The following C10orf90 variants were observed in gnomAD, a reference collection of about 807,000 sequenced individuals.
The protein encoded by C10orf90 is chromosome 10 open reading frame 90.
In C10orf90, 56 loss-of-function variants were observed where a neutral mutation model predicts 62.5. The ratio of observed to expected loss-of-function variants is 0.90; its 90% CI spans 0.72 to 1.12. The LOEUF is 1.12. Among genes scored for constraint, C10orf90 ranks in the 50% most tolerant of loss-of-function variants. The pLI is 0.00. For missense variants in C10orf90, 970 were observed against 880.4 expected (o/e 1.10, Z -1.29); for synonymous variants, 386 against 340.4 (o/e 1.13, Z -1.47).
chr10:126,551,574 T>G (rs1028657328), intron 2 of C10orf90, among the ~76,000 whole-genome samples: 2 of 152,154 alleles, frequency 1.3e-5, no homozygotes, highest in African/African-American at 4.8e-5. Context: ...ATAAAAAGAA[T>G]GAAAACAACT....
At chr10:126,462,017 C>T (rs1480910274) in intron 5 of C10orf90, among the ~76,000 whole-genome samples, 1 of 152,148 alleles carries the variant, frequency 6.6e-6, no homozygotes, top group African/African-American at 2.4e-5. Context: ...AGAGCCCTCC[C>T]CTGCACTTGC....
chr10:126,432,873 A>G (rs1251145888), intron 7 of C10orf90, among the ~76,000 whole-genome samples: 1 of 152,222 alleles, frequency 6.6e-6, no homozygotes, highest in African/African-American at 2.4e-5. Context: ...TTGCAAACCT[A>G]TTTAAGGAGC....
At chr10:126,669,718 T>A (rs537409909) in intron 1 of C10orf90, among the ~76,000 whole-genome samples, 1 of 139,392 alleles carries the variant, frequency 7.2e-6, no homozygotes, top group Admixed American at 7.3e-5. Flanking sequence ...TTTTTTTTTT[T>A]ACAAAGTTGT....
At chr10:126,527,869 A>C (rs1205818406) in intron 2 of C10orf90, among the ~76,000 whole-genome samples, 1 of 152,256 alleles carries the variant, frequency 6.6e-6, no homozygotes, top group Non-Finnish European at 1.5e-5. Context: ...TCCAGGTATC[A>C]AAGTCACGGC....
At chr10:126,627,611 T>A (rs1297864978) in intron 2 of C10orf90, among the ~76,000 whole-genome samples, 1 of 152,170 alleles carries the variant, frequency 6.6e-6, no homozygotes, top group African/African-American at 2.4e-5. Flanking sequence ...GCTGTTAGAA[T>A]ACTCACTGCT....
At chr10:126,532,636 G>C (rs992572626) in intron 2 of C10orf90, among the ~76,000 whole-genome samples, 3 of 151,368 alleles carry the variant, frequency 2.0e-5, no homozygotes, top group Admixed American at 2.0e-4. Context: ...AGGAAATCGA[G>C]ACCATCCTGG....
rs111724941 is a variant in C10orf90 at position 126,566,997 on chromosome 10, C to T, written c.314-53058G>A. On this transcript the variant is annotated intron_variant, in intron 2 of 9. Coordinates refer to ENST00000488181, the MANE Select transcript of C10orf90 (RefSeq NM_001350921.2). Reference sequence around the variant, plus strand: ...ATTTAGACACACCCATACTGAGAGGCGTATTACCCACCAAAGGTGGCCCTG... The same window carrying T: ...ATTTAGACACACCCATACTGAGAGGTGTATTACCCACCAAAGGTGGCCCTG... Among the ~76,000 whole-genome samples, 241 of 152,156 alleles carry T rather than the reference C, an allele frequency of 1.6e-3. 2 individuals carry two copies. The highest frequency in any genetic ancestry group is 5.4e-3 in the African/African-American group (223 of 41,522).
intron 4 of C10orf90, among the ~76,000 whole-genome samples, chr10:126,493,391 C>T (rs113217579): frequency 0.14 from 20,613 of 148,336 alleles, 1,651 homozygotes; most frequent in Middle Eastern, 0.24. Flanking sequence ...GACAGGGTCT[C>T]GCTCTGTCGC....
At chr10:126,622,794 A>C (rs1343901441) in intron 2 of C10orf90, among the ~76,000 whole-genome samples, 1 of 152,208 alleles carries the variant, frequency 6.6e-6, no homozygotes, top group Non-Finnish European at 1.5e-5. Flanking sequence ...GACAGCATTA[A>C]CCATGCTGTA....
At chr10:126,582,241 C>A (rs138183119) in intron 2 of C10orf90, among the ~76,000 whole-genome samples, 256 of 152,310 alleles carry the variant, frequency 1.7e-3, no homozygotes, top group African/African-American at 6.0e-3. Flanking sequence ...CACACCTGTG[C>A]TGAGAGTGTG....
At chr10:126,550,219 G>T (rs1864601726) in intron 2 of C10orf90, among the ~76,000 whole-genome samples, 2 of 151,918 alleles carry the variant, frequency 1.3e-5, no homozygotes, top group South Asian at 4.2e-4. Context: ...GCCTCTGAAA[G>T]TGCTGGAATT....
chr10:126,532,239 G>A (rs538289676), intron 2 of C10orf90, among the ~76,000 whole-genome samples: 96 of 152,266 alleles, frequency 6.3e-4, no homozygotes, highest in African/African-American at 2.1e-3. Flanking sequence ...ATCTGTGGAT[G>A]GTGGGTAACT....
At chr10:126,641,828 A>T (rs528586602) in intron 2 of C10orf90, among the ~76,000 whole-genome samples, 2 of 152,284 alleles carry the variant, frequency 1.3e-5, no homozygotes, top group African/African-American at 4.8e-5. Flanking sequence ...AATCATAGTA[A>T]ACTAATCTTT....
At chr10:126,638,746 C>T (rs1056231036) in intron 2 of C10orf90, among the ~76,000 whole-genome samples, 3 of 152,230 alleles carry the variant, frequency 2.0e-5, no homozygotes, top group Non-Finnish European at 4.4e-5. Context: ...AAACCAAAGT[C>T]ACCCCGCCCT....
intron 4 of C10orf90, among the ~76,000 whole-genome samples, chr10:126,476,293 C>T (rs1004478297): frequency 3.3e-5 from 5 of 152,202 alleles, no homozygotes; most frequent in Non-Finnish European, 7.3e-5. Flanking sequence ...ATCACATCAA[C>T]CCAAATTCTC....
At chr10:126,622,330 C>A (rs1845661660) in intron 2 of C10orf90, among the ~76,000 whole-genome samples, 1 of 152,080 alleles carries the variant, frequency 6.6e-6, no homozygotes, top group Admixed American at 6.5e-5. Context: ...ACTTTCCAAT[C>A]TTCATCACCC....
intron 2 of C10orf90, among the ~76,000 whole-genome samples, chr10:126,581,664 G>A (rs185134287): frequency 1.6e-3 from 240 of 152,294 alleles, no homozygotes; most frequent in Middle Eastern, 3.4e-3. Context: ...AGTGTTAAAC[G>A]TAGACACAGC....
At chr10:126,432,251 G>A (rs1309150419) in intron 7 of C10orf90, among the ~76,000 whole-genome samples, 2 of 152,188 alleles carry the variant, frequency 1.3e-5, no homozygotes, top group African/African-American at 4.8e-5. Context: ...CACTTTGAGA[G>A]AGAAAGTGGC....
At chr10:126,650,349 A>T (rs1591175062) in intron 1 of C10orf90, among the ~76,000 whole-genome samples, 1 of 151,998 alleles carries the variant, frequency 6.6e-6, no homozygotes, top group East Asian at 1.9e-4. Context: ...TTTAAGAACC[A>T]TTTTTCACCT....
Sources: allele counts gnomAD v4.1 joint callset (sites outside exome capture counted in the v4.1 genomes callset), GRCh38; gene constraint gnomAD v4.1.1; transcripts MANE v1.5; gene names NCBI Gene and HGNC (gene_info 2026-07-23, HGNC 2026-07-21).